AGMO: variants seen among roughly 807,000 people sequenced by gnomAD.
AGMO encodes glyceryl-ether monooxygenase.
AGMO carries 75 observed loss-of-function variants against 60.2 expected under a neutral mutation model. The ratio of observed to expected loss-of-function variants is 1.25; its 90% CI spans 1.03 to 1.51. AGMO has a LOEUF of 1.51. AGMO is among the 40% of genes most tolerant of loss of function. The pLI, the probability that AGMO is intolerant of heterozygous loss-of-function variation, is 0.00. For missense variants in AGMO, 763 were observed against 525.5 expected, an observed-to-expected ratio of 1.45 and a Z score of -4.42; for synonymous variants, 261 against 177.1, an observed-to-expected ratio of 1.47 and a Z score of -3.76.
intron 5 of AGMO, among the ~76,000 whole-genome samples, chr7:15,415,276 G>A (rs1031438096): frequency 1.3e-5 from 2 of 151,650 alleles, no homozygotes; most frequent in Non-Finnish European, 2.9e-5. Context: ...TTTTTGAACA[G>A]GCTCACTCCT....
At chr7:15,493,622 G>A (rs912825236) in intron 3 of AGMO, among the ~76,000 whole-genome samples, 2 of 151,786 alleles carry the variant, frequency 1.3e-5, no homozygotes, top group East Asian at 1.9e-4. Flanking sequence ...TGATCCGCCC[G>A]CCTCGGCCTC....
At chr7:15,368,373 A>G (rs1481457191) in intron 10 of AGMO, among the ~76,000 whole-genome samples, 3 of 151,922 alleles carry the variant, frequency 2.0e-5, no homozygotes, top group African/African-American at 7.2e-5. Context: ...CTCTCACTAT[A>G]TTGCTTCATT....
chr7:15,499,635 C>A (rs529891910), intron 3 of AGMO, among the ~76,000 whole-genome samples: 1 of 151,662 alleles, frequency 6.6e-6, no homozygotes, highest in Admixed American at 6.6e-5. Context: ...GGCATCCTTT[C>A]TAAAATCCAT....
rs142467417 is a variant in AGMO at position 15,529,754 on chromosome 7, A to G, written c.409+15018T>C. On this transcript the variant is annotated intron_variant, in intron 3 of 12. Transcript: ENST00000342526. ...ATATATATTCTATATATATATTTCT[A>G]TATATATATTTCTCTATATATATTT... 3.7e-5 allele frequency among the ~76,000 whole-genome samples: 4 copies of G among 107,802 alleles called. No homozygotes were observed. In the South Asian group the frequency reaches 1.0e-3, roughly 28 times the overall value. 70.7% of individuals were successfully genotyped at this position (107,802 alleles called of 152,430 possible).
chr7:15,202,486 A>AAAAAAAAAAAAAAAAAAAAAAAAG (rs1781322005), intron 12 of AGMO, among the ~76,000 whole-genome samples: 1 of 141,498 alleles, frequency 7.1e-6, no homozygotes, highest in Non-Finnish European at 1.5e-5. Context: ...AAAAAAAAAA[A>AAAAAAAAAAAAAAAAAAAAAAAAG]AAACCCTCCC....
chr7:15,322,610 A>G (rs1367735989), intron 12 of AGMO, among the ~76,000 whole-genome samples: 3 of 61,744 alleles, frequency 4.9e-5, no homozygotes, highest in African/African-American at 2.9e-4. Flanking sequence ...ATAAATATAT[A>G]TAAATATATA....
downstream of AGMO, among the ~76,000 whole-genome samples, chr7:15,196,666 G>T (rs1163262594): frequency 6.6e-6 from 1 of 152,108 alleles, no homozygotes; most frequent in Non-Finnish European, 1.5e-5. Flanking sequence ...AGTCATTTCC[G>T]TTTCTAAAAA....
At chr7:15,364,662 G>A (rs1463600477) in intron 12 of AGMO, among the ~76,000 whole-genome samples, 1 of 152,010 alleles carries the variant, frequency 6.6e-6, no homozygotes, top group African/African-American at 2.4e-5. Flanking sequence ...GGGTTAACGG[G>A]TATGTGTATT....
chr7:15,394,400 G>A (rs1784285316), intron 5 of AGMO, among the ~76,000 whole-genome samples: 1 of 152,124 alleles, frequency 6.6e-6, no homozygotes, highest in African/African-American at 2.4e-5. Context: ...GTATGGTGTC[G>A]TGGTTAAGAG....
the AGMO span, among the ~76,000 whole-genome samples, chr7:15,159,361 A>C: frequency 6.6e-6 from 1 of 152,200 alleles, no homozygotes; most frequent in Non-Finnish European, 1.5e-5. Flanking sequence ...CAGAAGTGGT[A>C]AAAGACAGTG....
At chr7:15,199,880 A>C (rs1162577043), downstream of AGMO, among the ~76,000 whole-genome samples, 1 of 152,206 alleles carries the variant, frequency 6.6e-6, no homozygotes, top group Non-Finnish European at 1.5e-5. Context: ...TGCAAAATTT[A>C]ATCTTCCTCT....
intron 12 of AGMO, among the ~76,000 whole-genome samples, chr7:15,354,463 T>TGTGTATATAC (rs1563105774): frequency 0.038 from 766 of 20,254 alleles, 74 homozygotes; most frequent in Admixed American, 0.071. Context: ...TATACACACG[T>TGTGTATATAC]GTGTGTATAC....
intron 12 of AGMO, 121 bp downstream of exon 12, chr7:15,365,393 A>AAAAAAAAAAAAAAAAAAAAC (rs1315898414): frequency 2.1e-6 from 1 of 487,788 alleles, no homozygotes; most frequent in African/African-American, 2.1e-5. Context: ...AAAAAAAAAA[A>AAAAAAAAAAAAAAAAAAAAC]AAGATCAAGA....
At chr7:15,219,552 A>G (rs542481608) in intron 12 of AGMO, among the ~76,000 whole-genome samples, 1 of 152,258 alleles carries the variant, frequency 6.6e-6, no homozygotes, top group African/African-American at 2.4e-5. Context: ...GAGAAGCACA[A>G]GTAAAGAGTA....
intron 3 of AGMO, among the ~76,000 whole-genome samples, chr7:15,431,564 T>C (rs1268648382): frequency 6.6e-6 from 1 of 151,782 alleles, no homozygotes; most frequent in Non-Finnish European, 1.5e-5. Flanking sequence ...AAAATATTAA[T>C]GAAATTATTT....
chr7:15,298,568 A>G (rs1784469081), intron 12 of AGMO, among the ~76,000 whole-genome samples: 1 of 151,942 alleles, frequency 6.6e-6, no homozygotes, highest in Non-Finnish European at 1.5e-5. Context: ...TGCTCAGATT[A>G]TTTGTGTATT....
chr7:15,157,339 G>C, the AGMO span, among the ~76,000 whole-genome samples: 1 of 152,180 alleles, frequency 6.6e-6, no homozygotes, highest in South Asian at 2.1e-4. Context: ...GAGTGACAGG[G>C]AGTTAACACA....
chr7:15,188,037 C>T, the AGMO span, among the ~76,000 whole-genome samples: 6 of 152,152 alleles, frequency 3.9e-5, no homozygotes, highest in Admixed American at 6.6e-5. Flanking sequence ...TTTTAGTTCA[C>T]GGCAAGCTTG....
intron 12 of AGMO, among the ~76,000 whole-genome samples, chr7:15,275,235 G>T (rs1214746149): frequency 6.6e-6 from 1 of 151,878 alleles, no homozygotes; most frequent in Non-Finnish European, 1.5e-5. Flanking sequence ...CAGATATTTG[G>T]TATATTAATA....
Sources: allele counts gnomAD v4.1 joint callset (sites outside exome capture counted in the v4.1 genomes callset), GRCh38; gene constraint gnomAD v4.1.1; transcripts MANE v1.5; gene names NCBI Gene and HGNC (gene_info 2026-07-23, HGNC 2026-07-21).